Variants in MOB4 observed in about 807,000 individuals in gnomAD.
MOB4 encodes the protein MOB family member 4, phocein.
A neutral mutation model predicts 32.2 loss-of-function variants in MOB4; 4 were observed. The ratio of observed to expected loss-of-function variants is 0.12; its 90% CI spans 0.06 to 0.28. The LOEUF is 0.28. MOB4 is among the 10% of genes least tolerant of loss of function. The pLI, the probability that MOB4 is intolerant of heterozygous loss-of-function variation, is 1.00. For synonymous variants in MOB4, 88 were observed against 88.1 expected (o/e 1.00, Z 0.01); for missense variants, 158 against 271.2 (o/e 0.58, Z 2.93).
chr2:197,525,267 A>T (rs2086590846), intron 2 of MOB4, among the ~76,000 whole-genome samples: 1 of 81,892 alleles, frequency 1.2e-5, no homozygotes, highest in Non-Finnish European at 2.7e-5. Context: ...AATGATGTGA[A>T]CCTGGGAGGC....
chr2:197,516,568 C>G, intron 1 of MOB4: 1 of 490,598 alleles, frequency 2.0e-6, no homozygotes, highest in Non-Finnish European at 4.1e-6. Flanking sequence ...CAGCCTACCT[C>G]GACCCGGCGT....
intron 2 of MOB4, among the ~76,000 whole-genome samples, chr2:197,524,154 T>G (rs1035363043): frequency 6.6e-6 from 1 of 152,146 alleles, no homozygotes; most frequent in Non-Finnish European, 1.5e-5. Flanking sequence ...GGGAGATCAC[T>G]TGATCCTACT....
At chr2:197,527,559 T>C (rs920965815) in intron 2 of MOB4, among the ~76,000 whole-genome samples, 2 of 152,244 alleles carry the variant, frequency 1.3e-5, no homozygotes, top group African/African-American at 4.8e-5. Flanking sequence ...GGATTTCCTA[T>C]ATATAGGATC....
At chr2:197,531,179 C>A (rs1393283275) in intron 2 of MOB4, among the ~76,000 whole-genome samples, 1 of 151,600 alleles carries the variant, frequency 6.6e-6, no homozygotes, top group Non-Finnish European at 1.5e-5. Context: ...TGCCGAGTAG[C>A]TGGGACTACA....
At chr2:197,549,182 C>T (rs1054004963) in intron 6 of MOB4, among the ~76,000 whole-genome samples, 3 of 151,906 alleles carry the variant, frequency 2.0e-5, no homozygotes, top group South Asian at 2.1e-4. Context: ...GAGCCGAGAT[C>T]GCGCCATTGC....
intron 1 of MOB4, among the ~76,000 whole-genome samples, chr2:197,520,902 AAAAAAAAAAAAAAAAG>A (rs1345712049): frequency 1.3e-5 from 2 of 148,504 alleles, no homozygotes; most frequent in African/African-American, 5.2e-5. Flanking sequence ...TTAAAAAAAA[AAAAAAAAAAAAAAAAG>A]AAGAAGAAAT....
At chr2:197,515,976 G>A (rs1427807095), upstream of MOB4, 3 of 1,158,820 alleles carry the variant, frequency 2.6e-6, no homozygotes, top group Non-Finnish European at 3.7e-6. Context: ...CAGCTGTTCC[G>A]TCAGCTGCCG....
chr2:197,529,504 G>A lies in MOB4; in HGVS notation c.123+5818G>A, dbSNP rs112022871. Among the ~76,000 whole-genome samples the A allele has an allele frequency of 3.6e-3, 531 of 147,834 alleles. 2 individuals carry two copies. Among genetic ancestry groups the A allele is most frequent in the African/African-American group, 0.013 (510 of 39,922 alleles). On this transcript the variant is annotated intron_variant, in intron 2 of 7. Transcript: ENST00000323303. ...GTAGCTGGGACTACAGGTGCATGCCGCCACAGCCGCCTCATTTTTCTATTT... is the reference window on the plus strand; with the variant it reads ...GTAGCTGGGACTACAGGTGCATGCCACCACAGCCGCCTCATTTTTCTATTT...
At position 197,523,671 on chromosome 2, in the gene MOB4, A is replaced by C. The variant is rs1559314741; in HGVS notation, c.108A>C (p.Thr36=). Residue 36 remains threonine, a synonymous_variant, in exon 2 of 8, where the codon ACA becomes ACC. Coordinates refer to ENST00000323303, the MANE Select transcript of MOB4 (RefSeq NM_015387.5). The part of the protein sequence containing the change: ...PDESFDEMDS[T]LAVQQYIQQN... Reference sequence around the variant, plus strand: ...AATCCTTTGATGAAATGGACAGTACACTAGCTGTTCAACAGGTAATAAAAA... The same window carrying C: ...AATCCTTTGATGAAATGGACAGTACCCTAGCTGTTCAACAGGTAATAAAAA... 1 of 1,606,468 alleles carries C rather than the reference A, an allele frequency of 6.2e-7. No homozygotes were observed. Among genetic ancestry groups the C allele is most frequent in the East Asian group, 2.2e-5 (1 of 44,812 alleles).
At chr2:197,519,191 G>A (rs1446962273) in intron 1 of MOB4, among the ~76,000 whole-genome samples, 1 of 152,168 alleles carries the variant, frequency 6.6e-6, no homozygotes, top group Non-Finnish European at 1.5e-5. Context: ...CCACCACGCT[G>A]GGCTTCATAG....
rs1324725393 is a variant in MOB4 at position 197,535,932 on chromosome 2, C to A, written c.224+302C>A. On this transcript the variant is annotated intron_variant, in intron 3 of 7. Coordinates refer to ENST00000323303, the MANE Select transcript of MOB4 (RefSeq NM_015387.5). ...TTTTTTTTTTTGAGATGGGGTCTCACTCTCTTGCCCACGTTGGAGTGCAGT... is the reference window on the plus strand; with the variant it reads ...TTTTTTTTTTTGAGATGGGGTCTCAATCTCTTGCCCACGTTGGAGTGCAGT... Among the ~76,000 whole-genome samples the A allele has an allele frequency of 3.4e-5, 5 of 146,472 alleles. No homozygotes were observed. In the Admixed American group the frequency reaches 3.4e-4, roughly 10 times the overall value.
chr2:197,521,346 G>C (rs543855149), intron 1 of MOB4, among the ~76,000 whole-genome samples: 26 of 152,324 alleles, frequency 1.7e-4, no homozygotes, highest in Non-Finnish European at 2.8e-4. Flanking sequence ...GGGTCACAAA[G>C]ATCACGTACT....
chr2:197,529,178 A>G (rs2086659301), intron 2 of MOB4, among the ~76,000 whole-genome samples: 1 of 151,554 alleles, frequency 6.6e-6, no homozygotes, highest in Admixed American at 6.6e-5. Flanking sequence ...GGGTTTCACC[A>G]TGTTGGTCAA....
intron 3 of MOB4, among the ~76,000 whole-genome samples, chr2:197,537,917 C>T (rs1055242881): frequency 2.0e-5 from 3 of 152,010 alleles, no homozygotes; most frequent in Admixed American, 6.6e-5. Context: ...GTAGCTGGGA[C>T]TACAGGCACA....
intron 6 of MOB4, 131 bp from the exon 7 acceptor site, chr2:197,550,144 A>G: frequency 2.8e-6 from 2 of 724,800 alleles, no homozygotes; most frequent in South Asian, 2.8e-5. Context: ...ATTTACTCGC[A>G]GTGTGACCTT....
chr2:197,542,378 A>G lies in MOB4; in HGVS notation c.354+1941A>G, dbSNP rs141486040. On this transcript the variant is annotated intron_variant, in intron 5 of 7. Coordinates refer to ENST00000323303, the MANE Select transcript of MOB4 (RefSeq NM_015387.5). ...GAGTGGAGTTACTGTAAAAATACAA[A>G]CAAAAGAACAATTTGAAAGGACACT... 2.3e-3 allele frequency among the ~76,000 whole-genome samples: 347 copies of G among 152,330 alleles called. 1 individual carries two copies. The highest frequency in any genetic ancestry group is 8.2e-3 in the African/African-American group (339 of 41,574).
At chr2:197,531,355 A>G (rs898462443) in intron 2 of MOB4, among the ~76,000 whole-genome samples, 18 of 151,590 alleles carry the variant, frequency 1.2e-4, no homozygotes, top group African/African-American at 2.4e-4. Flanking sequence ...CATTTTTGCT[A>G]TTTTAAAGTG....
At position 197,531,526 on chromosome 2, in the gene MOB4, A is replaced by G. The variant is rs144342194; in HGVS notation, c.124-4004A>G. Among the ~76,000 whole-genome samples, 739 of 152,110 alleles carry G rather than the reference A, an allele frequency of 4.9e-3. 4 individuals are homozygous for G. Among genetic ancestry groups the G allele is most frequent in the Middle Eastern group, 0.017 (5 of 294 alleles). On this transcript the variant is annotated intron_variant, in intron 2 of 7. Transcript: ENST00000323303. ...CTCAGCTTCTTGAATTTGCAAGCTT[A>G]TATCTTTTTACAAACTTGGAAACTT...
At chr2:197,518,790 C>A (rs1195931533) in intron 1 of MOB4, among the ~76,000 whole-genome samples, 1 of 152,042 alleles carries the variant, frequency 6.6e-6, no homozygotes, top group Non-Finnish European at 1.5e-5. Context: ...GAGTCTCACT[C>A]TGTCGCCCAG....
Sources: allele counts gnomAD v4.1 joint callset (sites outside exome capture counted in the v4.1 genomes callset), GRCh38; gene constraint gnomAD v4.1.1; transcripts MANE v1.5; gene names NCBI Gene and HGNC (gene_info 2026-07-23, HGNC 2026-07-21).